Variants in LRBA observed in about 807,000 individuals in gnomAD.
The protein encoded by LRBA is lipopolysaccharide-responsive and beige-like anchor protein.
A neutral mutation model predicts 330.0 loss-of-function variants in LRBA; 176 were observed. The ratio of observed to expected loss-of-function variants is 0.53; its 90% CI spans 0.47 to 0.60. The LOEUF (loss-of-function observed/expected upper bound fraction) is 0.60. LRBA is among the 20% of genes least tolerant of loss of function. The pLI, the probability that LRBA is intolerant of heterozygous loss-of-function variation, is 0.00. For missense variants in LRBA, 3,259 were observed against 3,444.8 expected, an observed-to-expected ratio of 0.95 and a Z score of 1.35; for synonymous variants, 1,230 against 1,193.0, an observed-to-expected ratio of 1.03 and a Z score of -0.64.
intron 52 of LRBA, among the ~76,000 whole-genome samples, chr4:150,310,011 T>TA (rs1443196663): frequency 7.9e-5 from 12 of 152,270 alleles, no homozygotes; most frequent in Middle Eastern, 3.4e-3. Context: ...CACAAACCTA[T>TA]AAAAAACTGT....
intron 47 of LRBA, among the ~76,000 whole-genome samples, chr4:150,375,015 A>G (rs1741030515): frequency 6.6e-6 from 1 of 152,178 alleles, no homozygotes; most frequent in Admixed American, 6.5e-5. Context: ...GGAACCAACA[A>G]ACTATTTTGA....
At chr4:150,309,612 G>A (rs1294809253) in intron 52 of LRBA, among the ~76,000 whole-genome samples, 3 of 151,968 alleles carry the variant, frequency 2.0e-5, no homozygotes, top group South Asian at 2.1e-4. Context: ...TTACTCAGCC[G>A]GATCTCCTAC....
At chr4:150,633,997 T>G (rs1777641122) in intron 37 of LRBA, among the ~76,000 whole-genome samples, 1 of 151,992 alleles carries the variant, frequency 6.6e-6, no homozygotes, top group African/African-American at 2.4e-5. Flanking sequence ...TGCCTGTAAT[T>G]CCAGTTACTC....
At chr4:150,679,008 T>C (rs370698840) in intron 37 of LRBA, among the ~76,000 whole-genome samples, 1 of 151,960 alleles carries the variant, frequency 6.6e-6, no homozygotes, top group Non-Finnish European at 1.5e-5. Flanking sequence ...AAAAAAAAAT[T>C]AGAGGTAAAG....
chr4:150,617,558 C>T (rs139033897), intron 37 of LRBA, among the ~76,000 whole-genome samples: 4,197 of 152,238 alleles, frequency 0.028, 85 homozygotes, highest in Middle Eastern at 0.048. Flanking sequence ...AGGAGAATCG[C>T]TTGAACCCGA....
chr4:150,861,274 T>G (rs1751900478), intron 22 of LRBA, among the ~76,000 whole-genome samples: 1 of 130,676 alleles, frequency 7.7e-6, no homozygotes, highest in South Asian at 2.2e-4. Context: ...GCTAATGGTG[T>G]GTGTGTGTGT....
chr4:150,764,762 C>T (rs760721447), intron 34 of LRBA, among the ~76,000 whole-genome samples: 2 of 152,000 alleles, frequency 1.3e-5, no homozygotes, highest in Non-Finnish European at 2.9e-5. Context: ...AGTACACTGA[C>T]ATCACCTAAT....
intron 37 of LRBA, among the ~76,000 whole-genome samples, chr4:150,644,471 G>A (rs1360364675): frequency 6.6e-6 from 1 of 151,882 alleles, no homozygotes; most frequent in Non-Finnish European, 1.5e-5. Flanking sequence ...GACAGCCAAA[G>A]AACTGTATCC....
At chr4:150,654,905 G>A (rs994912903) in intron 37 of LRBA, among the ~76,000 whole-genome samples, 16 of 152,092 alleles carry the variant, frequency 1.1e-4, no homozygotes, top group African/African-American at 3.9e-4. Flanking sequence ...AGTATTCCAT[G>A]GTGTAAATGT....
At chr4:150,526,345 T>C (rs1267815881) in intron 40 of LRBA, among the ~76,000 whole-genome samples, 1 of 152,196 alleles carries the variant, frequency 6.6e-6, no homozygotes, top group Non-Finnish European at 1.5e-5. Context: ...GTTACATCCC[T>C]TAACCTCCAT....
chr4:150,693,586 A>AAAAAT (rs1784346758), intron 36 of LRBA, among the ~76,000 whole-genome samples: 1 of 148,994 alleles, frequency 6.7e-6, no homozygotes, highest in Non-Finnish European at 1.5e-5. Context: ...AAAAAAAAAA[A>AAAAAT]TTGGGCAAGA....
At chr4:150,837,620 C>CT (rs1236758876) in intron 28 of LRBA, among the ~76,000 whole-genome samples, 1 of 151,954 alleles carries the variant, frequency 6.6e-6, no homozygotes, top group Non-Finnish European at 1.5e-5. Flanking sequence ...CAACCCCTGC[C>CT]TTTTTTTGTT....
intron 48 of LRBA, among the ~76,000 whole-genome samples, chr4:150,341,999 G>C (rs1217135328): frequency 6.6e-6 from 1 of 151,480 alleles, no homozygotes; most frequent in African/African-American, 2.4e-5. Context: ...TTTTAGAAGA[G>C]GGAAAATTAT....
chr4:150,694,462 CAAA>C (rs58558446), intron 36 of LRBA, among the ~76,000 whole-genome samples: 2 of 71,010 alleles, frequency 2.8e-5, no homozygotes, highest in East Asian at 6.0e-4. Flanking sequence ...TGATCTTTAA[CAAA>C]AAAAAAAAAA....
chr4:150,443,487 C>T (rs1752109680), intron 44 of LRBA, among the ~76,000 whole-genome samples: 1 of 152,050 alleles, frequency 6.6e-6, no homozygotes, highest in African/African-American at 2.4e-5. Context: ...AAAAATGTGG[C>T]ATATATACAC....
At chr4:151,000,909 TC>T (rs1256900909) in intron 2 of LRBA, among the ~76,000 whole-genome samples, 3 of 151,944 alleles carry the variant, frequency 2.0e-5, no homozygotes, top group African/African-American at 7.3e-5. Context: ...CGAGAGACAA[TC>T]CCCACTGCGG....
At position 150,852,186 on chromosome 4, in the gene LRBA, T is replaced by G. The variant is rs1464678710; in HGVS notation, c.3524A>C (p.Lys1175Thr). 6.2e-7 allele frequency: 1 copy of G among 1,614,050 alleles called. No homozygotes were observed. The highest frequency in any genetic ancestry group is 1.7e-5 in the Admixed American group (1 of 60,010). The change falls in exon 23 of 57, where the codon AAA becomes ACA. Residue 1175 changes from lysine (K) to threonine (T), a missense_variant. Transcript: ENST00000651943. ...TGTCATAGTCTGAATTCCAGAATCTTTAGAATCTTGAGTTTCAGTATCAGT... is the reference window on the plus strand; with the variant it reads ...TGTCATAGTCTGAATTCCAGAATCTGTAGAATCTTGAGTTTCAGTATCAGT... ...KQTDTETQDS[K>T]DSGIQTMTAS... is the part of the protein sequence containing the mutation.
At chr4:150,571,822 A>G (rs886299165) in intron 40 of LRBA, among the ~76,000 whole-genome samples, 2 of 151,582 alleles carry the variant, frequency 1.3e-5, no homozygotes, top group Non-Finnish European at 2.9e-5. Context: ...TTATTTAAGG[A>G]AGTTTTTAAA....
chr4:150,774,363 C>T (rs887825848), intron 34 of LRBA, among the ~76,000 whole-genome samples: 2 of 152,156 alleles, frequency 1.3e-5, no homozygotes, highest in African/African-American at 2.4e-5. Flanking sequence ...ACCACCCAGC[C>T]GAGACCAGGA....
Sources: allele counts gnomAD v4.1 joint callset (sites outside exome capture counted in the v4.1 genomes callset), GRCh38; gene constraint gnomAD v4.1.1; transcripts MANE v1.5; gene names NCBI Gene and HGNC (gene_info 2026-07-23, HGNC 2026-07-21).